KLRD1: variants seen among roughly 807,000 people sequenced by gnomAD.
The protein encoded by KLRD1 is natural killer cells antigen CD94.
KLRD1 carries 21 observed loss-of-function variants against 22.6 expected under a neutral mutation model. That is an observed-to-expected ratio of 0.93 (90% confidence interval 0.66 to 1.34). The LOEUF is 1.34. Among genes scored for constraint, KLRD1 ranks in the 40% most tolerant of loss-of-function variants. The pLI, the probability that KLRD1 is intolerant of heterozygous loss-of-function variation, is 0.00. For missense variants in KLRD1, 183 were observed against 208.6 expected, an observed-to-expected ratio of 0.88 and a Z score of 0.76; for synonymous variants, 59 against 71.1, an observed-to-expected ratio of 0.83 and a Z score of 0.85.
At chr12:10,312,096 A>C (rs1166429092) in intron 4 of KLRD1, among the ~76,000 whole-genome samples, 2 of 136,254 alleles carry the variant, frequency 1.5e-5, no homozygotes, top group African/African-American at 5.6e-5. Context: ...TCTGTTGCCC[A>C]GGCTGGAGTG....
chr12:10,239,518 C>CCTTTCTTTCCTT lies in KLRD1; in HGVS notation c.-101+13294_-101+13295insCTTCTTTCTTTC, dbSNP rs1949218549. 1.0e-4 allele frequency among the ~76,000 whole-genome samples: 6 copies of CCTTTCTTTCCTT among 59,466 alleles called. No individual in the cohort carries two copies. The Admixed American group carries it at 1.2e-3, about 12-fold the overall frequency. 39.0% of individuals were successfully genotyped at this position (59,466 alleles called of 152,430 possible). A position where few individuals can be genotyped will look rare whatever the true frequency, so the allele number is the denominator to read the frequency against. Reference sequence around the variant, plus strand: ...CTTCCTTCCTTCCCTCCTTCCCTCCCCTTTCTTTCTTTCTTTCTTTCTTTC... The same window carrying CCTTTCTTTCCTT: ...CTTCCTTCCTTCCCTCCTTCCCTCCCCTTTCTTTCCTTCTTTCTTTCTTTCTTTCTTTCTTTC... On this transcript the variant is annotated intron_variant, in intron 1 of 5. Coordinates refer to the KLRD1 transcript ENST00000544747.
chr12:10,239,539 C>CT (rs1288539374), intron 1 of KLRD1, among the ~76,000 whole-genome samples: 1 of 110,446 alleles, frequency 9.1e-6, no homozygotes, highest in Non-Finnish European at 1.7e-5. Context: ...TTCTTTCTTT[C>CT]TTTCTTTCTT....
chr12:10,253,109 A>T (rs1334035453), intron 1 of KLRD1, among the ~76,000 whole-genome samples: 1 of 152,054 alleles, frequency 6.6e-6, no homozygotes, highest in Non-Finnish European at 1.5e-5. Flanking sequence ...AGATTTTCTT[A>T]TGTTTCTTTT....
intron 1 of KLRD1, among the ~76,000 whole-genome samples, chr12:10,239,538 T>TCCC: frequency 1.1e-5 from 1 of 88,250 alleles, no homozygotes; most frequent in Non-Finnish European, 2.1e-5. Context: ...TTTCTTTCTT[T>TCCC]CTTTCTTTCT....
At chr12:10,309,042 G>A (rs113955091) in intron 1 of KLRD1, 4 of 182,246 alleles carry the variant, frequency 2.2e-5, no homozygotes, top group African/African-American at 9.4e-5. Context: ...ATAAATGCCT[G>A]TTATGTAAGT....
At chr12:10,256,959 G>A (rs1949401955) in intron 1 of KLRD1, among the ~76,000 whole-genome samples, 1 of 151,562 alleles carries the variant, frequency 6.6e-6, no homozygotes, top group South Asian at 2.1e-4. Flanking sequence ...TTTTAAGGAT[G>A]GTTTTGCCAG....
At chr12:10,309,222 T>C (rs2137692826) in intron 1 of KLRD1, 166 bp from the exon 2 acceptor site, 1 of 529,042 alleles carries the variant, frequency 1.9e-6, no homozygotes, top group Non-Finnish European at 3.4e-6. Context: ...AAAATGTTGG[T>C]ATTGGGTGAA....
At chr12:10,274,279 C>A (rs564309324) in intron 1 of KLRD1, among the ~76,000 whole-genome samples, 2 of 150,970 alleles carry the variant, frequency 1.3e-5, no homozygotes, top group Non-Finnish European at 3.0e-5. Flanking sequence ...AACTCCATTT[C>A]AAAAAAAAAT....
At position 10,263,762 on chromosome 12, in the gene KLRD1, T is replaced by G. The variant is rs148118674; in HGVS notation, c.-101+37529T>G. ...GCATTGCTAGACTCATGGAAATAAA[T>G]GTCATAAGTATTGCTGAGTCGTTCC... On this transcript the variant is annotated intron_variant, in intron 1 of 5. Coordinates refer to the KLRD1 transcript ENST00000544747. Among the ~76,000 whole-genome samples the G allele has an allele frequency of 8.6e-3, 1,308 of 152,222 alleles. 27 individuals are homozygous for G. The highest frequency in any genetic ancestry group is 0.03 in the African/African-American group (1,237 of 41,566).
chr12:10,298,921 GT>G (rs1949844473), intron 1 of KLRD1, among the ~76,000 whole-genome samples: 1 of 152,182 alleles, frequency 6.6e-6, no homozygotes, highest in Non-Finnish European at 1.5e-5. Flanking sequence ...CCATATTTCT[GT>G]GTGTGTGTCT....
intron 1 of KLRD1, among the ~76,000 whole-genome samples, chr12:10,296,677 AAG>A (rs903075941): frequency 1.3e-5 from 2 of 152,110 alleles, no homozygotes; most frequent in Non-Finnish European, 2.9e-5. Flanking sequence ...AATGGATTAA[AAG>A]AGAGAGAGAG....
rs1862544063 is a variant in KLRD1, at chr12:10,311,587, T to G, written c.287T>G (p.Leu96Arg). Residue 96 changes from leucine to arginine, a missense_variant, in exon 4 of 6, where the codon CTG becomes CGG. By Grantham distance (102) the Leu-to-Arg change is moderately radical (BLOSUM62 -2). Coordinates refer to ENST00000336164, the MANE Select transcript of KLRD1 (RefSeq NM_002262.5). ...RHLCASQKSS[L>R]LQLQNTDELD... ...CTCTGTGCTTCTCAGAAATCCAGCC[T>G]GCTTCAGCTTCAAAACACAGATGAA... The G allele has an allele frequency of 1.2e-6, 2 of 1,614,108 alleles. No homozygotes were observed.
chr12:10,260,321 C>A (rs76322720), intron 1 of KLRD1, among the ~76,000 whole-genome samples: 3 of 151,912 alleles, frequency 2.0e-5, no homozygotes, highest in African/African-American at 7.2e-5. Flanking sequence ...GCTTCTCTTC[C>A]TACCTGTAAG....
chr12:10,258,416 T>C (rs1949419709), intron 1 of KLRD1, among the ~76,000 whole-genome samples: 1 of 152,174 alleles, frequency 6.6e-6, no homozygotes, highest in African/African-American at 2.4e-5. Flanking sequence ...GTAGAACATA[T>C]TCACATATTC....
intron 1 of KLRD1, among the ~76,000 whole-genome samples, chr12:10,248,779 G>T (rs940125366): frequency 5.3e-5 from 8 of 151,650 alleles, no homozygotes; most frequent in African/African-American, 1.9e-4. Context: ...TGTATTTTTA[G>T]TAGAGATGGG....
chr12:10,274,994 G>A (rs754054647), intron 1 of KLRD1, among the ~76,000 whole-genome samples: 16 of 152,060 alleles, frequency 1.1e-4, no homozygotes, highest in Non-Finnish European at 1.6e-4. Flanking sequence ...AGGTTCAAGC[G>A]ATTCTCTGCC....
At chr12:10,279,543 G>A (rs1251685141) in intron 1 of KLRD1, among the ~76,000 whole-genome samples, 1 of 152,108 alleles carries the variant, frequency 6.6e-6, no homozygotes, top group African/African-American at 2.4e-5. Flanking sequence ...AGTATGACAG[G>A]TATTCAGGGG....
chr12:10,301,053 A>G (rs1438954293), upstream of KLRD1, among the ~76,000 whole-genome samples: 7 of 152,168 alleles, frequency 4.6e-5, no homozygotes, highest in African/African-American at 1.7e-4. Flanking sequence ...AGACAACTAC[A>G]ACTTTCTCCA....
At position 10,311,598 on chromosome 12, in the gene KLRD1, C is replaced by CA. The variant is rs1465690392; in HGVS notation, c.302dup (p.Asn101LysfsTer4). 1 of 1,613,890 alleles carries CA rather than the reference C, an allele frequency of 6.2e-7. No individual in the cohort carries two copies. Among genetic ancestry groups the CA allele is most frequent in the Admixed American group, 1.7e-5 (1 of 60,002 alleles). Reference sequence around the variant, plus strand: ...TCAGAAATCCAGCCTGCTTCAGCTTCAAAACACAGATGAACTGGCATGTGC... The same window carrying CA: ...TCAGAAATCCAGCCTGCTTCAGCTTCAAAAACACAGATGAACTGGCATGTGC... On this transcript the variant is annotated frameshift_variant, in exon 4 of 6. Coordinates refer to ENST00000336164, the MANE Select transcript of KLRD1 (RefSeq NM_002262.5). LOFTEE classifies it high-confidence loss of function.
Sources: gnomAD v4.1 joint callset for allele counts (sites outside exome capture counted in the v4.1 genomes callset) on GRCh38, gnomAD v4.1.1 for gene constraint, MANE v1.5 for transcripts, NCBI Gene and HGNC (gene_info 2026-07-23, HGNC 2026-07-21) for gene names.